SPG11: variants seen among roughly 807,000 people sequenced by gnomAD.
SPG11 encodes SPG11 vesicle trafficking associated, spatacsin.
SPG11 carries 222 observed loss-of-function variants against 274.0 expected under a neutral mutation model. That is an observed-to-expected ratio of 0.81 (90% CI 0.73 to 0.91). The LOEUF is 0.91. SPG11 is among the 40% of genes least tolerant of loss of function. The pLI is 0.00. For synonymous variants in SPG11, 1,144 were observed against 1,039.7 expected, an observed-to-expected ratio of 1.10 and a Z score of -1.93; for missense variants, 3,114 against 2,872.7, an observed-to-expected ratio of 1.08 and a Z score of -1.92.
intron 30 of SPG11, among the ~76,000 whole-genome samples, chr15:44,575,982 A>G (rs2082527719): frequency 6.6e-6 from 1 of 151,864 alleles, no homozygotes; most frequent in Admixed American, 6.5e-5. Context: ...GTTTCTACTA[A>G]AAATTTAAAG....
At position 44,598,345 on chromosome 15, in the gene SPG11, A is replaced by G; in HGVS notation, c.3921T>C (p.Gly1307=). ...GCAATTCTTCTGTGGTTGTCTTTTC[A>G]CCATCAGCTAGTTTAGATAGTTTTT... is the stretch of plus-strand genomic sequence containing the variant. The part of the protein sequence containing the change: ...VAEKLSKLAD[G]EKTTTEELLV... The change falls in exon 23 of 40, where the codon GGT becomes GGC. Residue 1307 remains glycine (G), a synonymous_variant. Coordinates refer to ENST00000261866, the MANE Select transcript of SPG11 (RefSeq NM_025137.4). 1 of 1,614,080 alleles carries G rather than the reference A, an allele frequency of 6.2e-7. No individual in the cohort carries two copies. The highest frequency in any genetic ancestry group is 8.5e-7 in the Non-Finnish European group (1 of 1,179,976).
intron 7 of SPG11, among the ~76,000 whole-genome samples, chr15:44,638,911 G>A (rs1044344141): frequency 3.3e-5 from 5 of 151,704 alleles, no homozygotes; most frequent in Non-Finnish European, 5.9e-5. Flanking sequence ...CAGGAGAATC[G>A]CTTGAACCCG....
In SPG11 at chr15:44,615,687, G is replaced by A. The variant is rs2083576807; in HGVS notation, c.2835-121C>T. 23 of 873,922 alleles carry A rather than the reference G, an allele frequency of 2.6e-5. No individual in the cohort carries two copies. The South Asian group carries it at 3.3e-4, about 13-fold the overall frequency. The allele number at this position is 873,922 out of a possible 1,614,324, so 54.1% of individuals were successfully genotyped here. On this transcript the variant is annotated intron_variant, in intron 15 of 39. Transcript: ENST00000261866. Reference sequence around the variant, plus strand: ...AAGCATTTACAAATTAATGCTGCCAGTTCTTACTCTATATGTTCTCAGACA... The same window carrying A: ...AAGCATTTACAAATTAATGCTGCCAATTCTTACTCTATATGTTCTCAGACA...
At chr15:44,660,830 T>A (rs1566835610) in intron 1 of SPG11, among the ~76,000 whole-genome samples, 1 of 152,068 alleles carries the variant, frequency 6.6e-6, no homozygotes, top group Admixed American at 6.6e-5. Context: ...GAGTGGGTGG[T>A]AAAAAACAAA....
intron 30 of SPG11, among the ~76,000 whole-genome samples, chr15:44,579,496 T>C (rs111926944): frequency 0.019 from 2,320 of 122,188 alleles, 25 homozygotes; most frequent in Middle Eastern, 0.1. Context: ...CACTGCACTC[T>C]AGCATGGGCG....
chr15:44,595,149 T>G, intron 26 of SPG11, 110 bp downstream of exon 26: 1 of 1,048,852 alleles, frequency 9.5e-7, no homozygotes, highest in Admixed American at 2.0e-5. Context: ...ATCATCATTA[T>G]CTGTTGTTGG....
chr15:44,591,475 AG>A (rs2082897795), intron 27 of SPG11, among the ~76,000 whole-genome samples: 2 of 152,210 alleles, frequency 1.3e-5, no homozygotes, highest in African/African-American at 4.8e-5. Flanking sequence ...CTCTAAGAAG[AG>A]GAACAAATGT....
rs1356394119 is a variant in SPG11, at chr15:44,570,362, T to G, written c.6477+163A>C. ...CTCTGATTCTGACAGAAATGATAACTTGGAGCAGAGGGTTGGGCTGCCCAG... is the reference window on the plus strand; with the variant it reads ...CTCTGATTCTGACAGAAATGATAACGTGGAGCAGAGGGTTGGGCTGCCCAG... On this transcript the variant is annotated intron_variant, in intron 34 of 39. Transcript: ENST00000261866. 3.9e-5 allele frequency among the ~76,000 whole-genome samples: 6 copies of G among 152,172 alleles called. No homozygotes were observed. In the East Asian group the frequency reaches 1.2e-3, roughly 29 times the overall value.
chr15:44,658,647 G>C (rs1255554837), intron 3 of SPG11, among the ~76,000 whole-genome samples: 1 of 152,062 alleles, frequency 6.6e-6, no homozygotes, highest in East Asian at 1.9e-4. Flanking sequence ...TTTTAGCAGA[G>C]ACGGGGTTTC....
At chr15:44,658,806 G>A (rs559921254) in intron 3 of SPG11, among the ~76,000 whole-genome samples, 2 of 152,164 alleles carry the variant, frequency 1.3e-5, no homozygotes, top group South Asian at 2.1e-4. Flanking sequence ...GAATAAACAG[G>A]TAATGCAGAG....
intron 33 of SPG11, 91 bp from the exon 34 acceptor site, chr15:44,570,749 G>A (rs560784979): frequency 7.8e-6 from 12 of 1,531,140 alleles, no homozygotes; most frequent in Non-Finnish European, 1.1e-5. Context: ...GGGCCTGGTG[G>A]AGAAGGGGCC....
chr15:44,607,620 G>C (rs1394141752), intron 19 of SPG11, among the ~76,000 whole-genome samples: 1 of 152,118 alleles, frequency 6.6e-6, no homozygotes, highest in Non-Finnish European at 1.5e-5. Context: ...ATGAGAATAT[G>C]TGTATTCAGG....
intron 28 of SPG11, among the ~76,000 whole-genome samples, chr15:44,587,922 ACACCTATATG>A: frequency 6.6e-6 from 1 of 152,110 alleles, no homozygotes; most frequent in East Asian, 1.9e-4. Context: ...ATCAATGAAA[ACACCTATATG>A]TTAAAAGGAC....
intron 15 of SPG11, among the ~76,000 whole-genome samples, chr15:44,615,805 A>G (rs1350288979): frequency 1.3e-5 from 2 of 152,142 alleles, no homozygotes; most frequent in African/African-American, 4.8e-5. Flanking sequence ...TATTTTAAAA[A>G]CCTAAATCAA....
Position 44,588,396 on chromosome 15 carries a change from G to C in SPG11, c.4906+856C>G, listed in dbSNP as rs2082822159. 3.3e-5 allele frequency among the ~76,000 whole-genome samples: 5 copies of C among 152,056 alleles called. No individual in the cohort carries two copies. The South Asian group carries it at 1.0e-3, about 32-fold the overall frequency. On this transcript the variant is annotated intron_variant, in intron 28 of 39. Coordinates refer to ENST00000261866, the MANE Select transcript of SPG11 (RefSeq NM_025137.4). ...GGTTTGTGACCCTGAGCAATGCTAA[G>C]GTTACTTGCCATAGAGAAGAAGATA...
At chr15:44,638,919 C>T (rs1212749071) in intron 7 of SPG11, among the ~76,000 whole-genome samples, 1 of 151,828 alleles carries the variant, frequency 6.6e-6, no homozygotes, top group Non-Finnish European at 1.5e-5. Flanking sequence ...TCGCTTGAAC[C>T]CGGGCTGTGG....
At chr15:44,603,092 T>C (rs989522655) in intron 20 of SPG11, among the ~76,000 whole-genome samples, 7 of 150,974 alleles carry the variant, frequency 4.6e-5, no homozygotes, top group South Asian at 2.1e-4. Context: ...GGTCTTGCTG[T>C]TGCCCAGGCT....
chr15:44,570,327 T>A (rs1448424009), intron 34 of SPG11, among the ~76,000 whole-genome samples, 198 bp downstream of exon 34: 19 of 152,294 alleles, frequency 1.2e-4, no homozygotes, highest in African/African-American at 4.6e-4. Flanking sequence ...TTTCGCTCCT[T>A]TGGAGCAACC....
chr15:44,639,049 G>A (rs952336630), intron 7 of SPG11, among the ~76,000 whole-genome samples: 9 of 151,442 alleles, frequency 5.9e-5, no homozygotes, highest in East Asian at 5.8e-4. Flanking sequence ...TGTATCCTGC[G>A]TATTTTTTTA....
Sources: gnomAD v4.1 joint callset for allele counts (sites outside exome capture counted in the v4.1 genomes callset) on GRCh38, gnomAD v4.1.1 for gene constraint, MANE v1.5 for transcripts, NCBI Gene and HGNC (gene_info 2026-07-23, HGNC 2026-07-21) for gene names.